Variants in CETN3 observed in about 807,000 individuals in gnomAD.
CETN3 encodes centrin 3.
In CETN3, 17 loss-of-function variants were observed where a neutral mutation model predicts 20.1. That is an observed-to-expected ratio of 0.85 (90% CI 0.58 to 1.27). CETN3 has a LOEUF of 1.27. CETN3 is among the 50% of genes most tolerant of loss of function. The pLI, the probability that CETN3 is intolerant of heterozygous loss-of-function variation, is 0.00. For missense variants in CETN3, 169 were observed against 191.2 expected, an observed-to-expected ratio of 0.88 and a Z score of 0.69; for synonymous variants, 52 against 59.7, an observed-to-expected ratio of 0.87 and a Z score of 0.59.
intron 4 of CETN3, chr5:90,398,926 C>G (rs1021229564): frequency 3.9e-6 from 1 of 255,330 alleles, no homozygotes; most frequent in African/African-American, 2.2e-5. Context: ...GGACACTGCA[C>G]CCAGTAGGCA....
chr5:90,399,241 C>A, intron 4 of CETN3, 117 bp downstream of exon 4: 1 of 780,480 alleles, frequency 1.3e-6, no homozygotes, highest in Non-Finnish European at 2.1e-6. Context: ...ACAGAAGGTC[C>A]ATTACAAGAA....
At chr5:90,404,324 G>A (rs1159242222) in intron 3 of CETN3, among the ~76,000 whole-genome samples, 1 of 152,126 alleles carries the variant, frequency 6.6e-6, no homozygotes, top group Admixed American at 6.5e-5. Flanking sequence ...CCACTATACT[G>A]TACTAAACAT....
intron 3 of CETN3, among the ~76,000 whole-genome samples, chr5:90,401,111 G>C (rs906671495): frequency 1.3e-5 from 2 of 152,172 alleles, no homozygotes; most frequent in Non-Finnish European, 2.9e-5. Flanking sequence ...GGGAACAGAT[G>C]GGGCTCCAAG....
rs549878072 is a variant in CETN3, at chr5:90,399,296, A to G, written c.460+62T>C. On this transcript the variant is annotated intron_variant, in intron 4 of 4. Coordinates refer to ENST00000283122, the MANE Select transcript of CETN3 (RefSeq NM_004365.4). ...AGTCTTGCAAGTCATTTGGTTTTAG[A>G]AAAATGTATTACATGTGTAGCATCA... 20 of 1,525,700 alleles carry G rather than the reference A, an allele frequency of 1.3e-5. No individual in the cohort carries two copies. The Admixed American group carries it at 2.9e-4, about 22-fold the overall frequency. 94.5% of individuals were successfully genotyped at this position (1,525,700 alleles called of 1,614,324 possible).
rs375642418 is a variant in CETN3, at chr5:90,404,868, GA to G, written c.268+816del. Among the ~76,000 whole-genome samples the G allele has an allele frequency of 1.7e-3, 205 of 122,046 alleles. 1 individual carries two copies. The highest frequency in any genetic ancestry group is 4.5e-3 in the Middle Eastern group (1 of 220). 80.1% of individuals were successfully genotyped at this position (122,046 alleles called of 152,430 possible). ...TTATATCGTGACCCATTGGTTTAGA[GA>G]AAAAAAAAAAAAGAAATAAACCTGA... On this transcript the variant is annotated intron_variant, in intron 3 of 4. Transcript: ENST00000283122.
At chr5:90,408,800 C>CAAAAAAAAAAA (rs74585512) in intron 1 of CETN3, among the ~76,000 whole-genome samples, 1 of 96,264 alleles carries the variant, frequency 1.0e-5, no homozygotes, top group Non-Finnish European at 2.2e-5. Flanking sequence ...CTGAAAGCTC[C>CAAAAAAAAAAA]AAAAAAAAAA....
intron 1 of CETN3, among the ~76,000 whole-genome samples, chr5:90,408,713 G>T (rs915470232): frequency 6.8e-6 from 1 of 148,046 alleles, no homozygotes; most frequent in Admixed American, 6.9e-5. Context: ...ACACAATCCG[G>T]TAACACATTA....
Position 90,401,713 on chromosome 5 carries a change from C to T in CETN3, c.269-2164G>A, listed in dbSNP as rs1749295826. Among the ~76,000 whole-genome samples the T allele has an allele frequency of 2.6e-5, 4 of 152,288 alleles. No individual in the cohort carries two copies. The South Asian group carries it at 8.3e-4, about 32-fold the overall frequency. ...ACTCATTCCACTACCACCATAGTAA[C>T]TGCAGCTGCCTCCCCTACCCCAACC... On this transcript the variant is annotated intron_variant, in intron 3 of 4. Transcript: ENST00000283122.
Position 90,405,688 on chromosome 5 carries a change from C to A in CETN3, c.265G>T (p.Val89Phe). The change falls in exon 3 of 5, where the codon GTT becomes TTT. Residue 89 changes from valine to phenylalanine, a missense_variant. Physicochemically the swap from Val to Phe is conservative, Grantham distance 50 (BLOSUM62 -1). Coordinates refer to ENST00000283122, the MANE Select transcript of CETN3 (RefSeq NM_004365.4). ...CAAAGACTATTAAAATACACACCAACTTCATTAAAATCTTCAAAGGTGATT... is the reference window on the plus strand; with the variant it reads ...CAAAGACTATTAAAATACACACCAAATTCATTAAAATCTTCAAAGGTGATT... ...GKITFEDFNE[V>F]VTDWILERDP... The A allele has an allele frequency of 1.9e-6, 3 of 1,579,758 alleles. No individual in the cohort carries two copies. Among genetic ancestry groups the A allele is most frequent in the Non-Finnish European group, 2.6e-6 (3 of 1,149,042 alleles).
At position 90,399,519 on chromosome 5, in the gene CETN3, T is replaced by C. The variant is rs757618808; in HGVS notation, c.299A>G (p.His100Arg). 1.5e-5 allele frequency: 25 copies of C among 1,613,352 alleles called. No homozygotes were observed. The South Asian group carries it at 1.8e-4, about 11-fold the overall frequency. ...VTDWILERDP[H>R]EEILKAFKLF... ...TTTAAATGCCTTGAGTATTTCTTCA[T>C]GGGGATCTCTTTCCAATATCCAGTC... The change falls in exon 4 of 5, where the codon CAT becomes CGT. Residue 100 changes from histidine to arginine, a missense_variant. By Grantham distance (29) the His-to-Arg change is conservative. Coordinates refer to ENST00000283122, the MANE Select transcript of CETN3 (RefSeq NM_004365.4).
chr5:90,402,283 ACATAT>A (rs1434434542), intron 3 of CETN3, among the ~76,000 whole-genome samples: 1 of 152,170 alleles, frequency 6.6e-6, no homozygotes, highest in Non-Finnish European at 1.5e-5. Context: ...TCTTTCTCAA[ACATAT>A]CATATCCCCT....
chr5:90,409,547 C>T, intron 1 of CETN3, 98 bp downstream of exon 1: 1 of 1,442,488 alleles, frequency 6.9e-7, no homozygotes, highest in East Asian at 2.3e-5. Flanking sequence ...ACTACATCCC[C>T]TGCCTCGCCT....
intron 4 of CETN3, among the ~76,000 whole-genome samples, chr5:90,397,433 T>G (rs558828782): frequency 6.6e-6 from 1 of 152,240 alleles, no homozygotes; most frequent in East Asian, 1.9e-4. Context: ...TATACTGCCT[T>G]CTTTAACAAA....
chr5:90,395,044 G>A (rs1406141157), intron 4 of CETN3, among the ~76,000 whole-genome samples: 1 of 152,072 alleles, frequency 6.6e-6, no homozygotes, highest in Non-Finnish European at 1.5e-5. Context: ...ACTACACTGA[G>A]ACTTAAGACC....
At chr5:90,406,002 A>T (rs1171210036) in intron 2 of CETN3, among the ~76,000 whole-genome samples, 1 of 152,158 alleles carries the variant, frequency 6.6e-6, no homozygotes, top group East Asian at 1.9e-4. Flanking sequence ...TCATTTATAA[A>T]TTGCATTTTT....
At position 90,409,669 on chromosome 5, in the gene CETN3, T is replaced by C. The variant is rs906982231; in HGVS notation, c.-8A>G. ...CCTCAGAGCTAAACTCATTATCTCTTCGCACAGAGACGTTCCTCTCAAGAA... is the reference window on the plus strand; with the variant it reads ...CCTCAGAGCTAAACTCATTATCTCTCCGCACAGAGACGTTCCTCTCAAGAA... On this transcript the variant is annotated 5_prime_UTR_variant, in exon 1 of 5. Coordinates refer to ENST00000283122, the MANE Select transcript of CETN3 (RefSeq NM_004365.4). The C allele has an allele frequency of 6.2e-7, 1 of 1,614,002 alleles. No individual in the cohort carries two copies. Among genetic ancestry groups the C allele is most frequent in the African/African-American group, 1.3e-5 (1 of 74,904 alleles).
Position 90,394,036 on chromosome 5 carries a change from C to A in CETN3, c.*28G>T, listed in dbSNP as rs772573668. 1.9e-5 allele frequency: 28 copies of A among 1,447,204 alleles called. No homozygotes were observed. Among genetic ancestry groups the A allele is most frequent in the Non-Finnish European group, 2.6e-5 (27 of 1,042,944 alleles). The allele number at this position is 1,447,204 out of a possible 1,614,324, so 89.6% of individuals were successfully genotyped here. A position where few individuals can be genotyped will look rare whatever the true frequency, so the allele number is the denominator to read the frequency against. ...ATAGAATATAAGATGGTAACTGCAACATTCTTAGTGTTTATCCTTGTAATT... is the reference window on the plus strand; with the variant it reads ...ATAGAATATAAGATGGTAACTGCAAAATTCTTAGTGTTTATCCTTGTAATT... On this transcript the variant is annotated 3_prime_UTR_variant, in exon 5 of 5. Transcript: ENST00000283122.
chr5:90,395,172 T>C (rs182083618), intron 4 of CETN3, among the ~76,000 whole-genome samples: 32 of 152,254 alleles, frequency 2.1e-4, no homozygotes, highest in Admixed American at 5.9e-4. Context: ...ATAGAAGGTA[T>C]TATATGAAAA....
At chr5:90,395,787 G>T in intron 4 of CETN3, 1 of 742,880 alleles carries the variant, frequency 1.3e-6, no homozygotes, top group Non-Finnish European at 1.6e-6. Context: ...CAATTTTTCT[G>T]TTTGAGAATA....
Sources: gnomAD v4.1 joint callset for allele counts (sites outside exome capture counted in the v4.1 genomes callset) on GRCh38, gnomAD v4.1.1 for gene constraint, MANE v1.5 for transcripts, NCBI Gene and HGNC (gene_info 2026-07-23, HGNC 2026-07-21) for gene names.